The following TEX11 variants were observed in gnomAD, a reference collection of about 807,000 sequenced individuals.
TEX11 encodes the protein testis-expressed protein 11.
In TEX11, 7 loss-of-function variants were observed where a neutral mutation model predicts 84.4. That is an observed-to-expected ratio of 0.08 (90% confidence interval 0.05 to 0.16). The LOEUF is 0.16. Among genes scored for constraint, TEX11 ranks in the 10% least tolerant of loss-of-function variants. The pLI is 1.00. For missense variants in TEX11, 551 were observed against 660.5 expected (o/e 0.83, Z 1.82); for synonymous variants, 264 against 222.8 (o/e 1.18, Z -1.64).
chrX:70,838,222 C>A (rs1405485323), intron 7 of TEX11, among the ~76,000 whole-genome samples: 11 of 111,464 alleles, frequency 9.9e-5, no homozygotes, highest in Middle Eastern at 9.3e-3. Context: ...AGTTCAAGAC[C>A]AGCCTGGTCA....
chrX:70,524,277 T>C (rs1376920132), downstream of TEX11, among the ~76,000 whole-genome samples: 1 of 112,500 alleles, frequency 8.9e-6, no homozygotes, highest in Non-Finnish European at 1.9e-5. Context: ...TACCATGAAG[T>C]GTCCAGTCCA....
rs150266446 is a variant in TEX11 at position 70,715,665 on chromosome X, C to T, written c.1004+6953G>A. Among the ~76,000 whole-genome samples, 1,095 of 111,906 alleles carry T rather than the reference C, an allele frequency of 9.8e-3. 16 individuals carry two copies. Among genetic ancestry groups the T allele is most frequent in the Middle Eastern group, 0.069 (15 of 217 alleles). ...ATCAGGTCCTTTAAGGACTTCTCTGCATTGGTTATTCTAGTTAGCCATTTG... is the reference window on the plus strand; with the variant it reads ...ATCAGGTCCTTTAAGGACTTCTCTGTATTGGTTATTCTAGTTAGCCATTTG... On this transcript the variant is annotated intron_variant, in intron 13 of 29. Coordinates refer to ENST00000374333, the MANE Select transcript of TEX11 (RefSeq NM_031276.3).
intron 9 of TEX11, among the ~76,000 whole-genome samples, chrX:70,745,190 G>A (rs2090760915): frequency 9.1e-6 from 1 of 109,705 alleles, no homozygotes; most frequent in African/African-American, 3.3e-5. Flanking sequence ...GAAAATGAGG[G>A]TGAGGGGTTG....
intron 9 of TEX11, among the ~76,000 whole-genome samples, chrX:70,763,337 T>C (rs897444015): frequency 9.0e-6 from 1 of 111,292 alleles, no homozygotes; most frequent in Non-Finnish European, 1.9e-5. Context: ...GTGAAGTGAC[T>C]CAGGAATGGA....
intron 28 of TEX11, among the ~76,000 whole-genome samples, chrX:70,551,523 G>A (rs1402309774): frequency 3.6e-5 from 4 of 110,695 alleles, no homozygotes; most frequent in Admixed American, 9.6e-5. Context: ...CATGTACACC[G>A]CTATGTACCC....
chrX:70,592,369 C>T lies in TEX11; in HGVS notation c.2068-546G>A, dbSNP rs768383715. Among the ~76,000 whole-genome samples, 3 of 111,605 alleles carry T rather than the reference C, an allele frequency of 2.7e-5. 1 individual carries two copies. The South Asian group carries it at 1.1e-3, about 42-fold the overall frequency. ...GGCCAAGAAGATAGGACTCTCTCTA[C>T]CTCCAGTTTCTGGGCTAGGGATTCT... On this transcript the variant is annotated intron_variant, in intron 24 of 29. Coordinates refer to ENST00000374333, the MANE Select transcript of TEX11 (RefSeq NM_031276.3).
intron 8 of TEX11, among the ~76,000 whole-genome samples, chrX:70,828,290 G>A (rs374830583): frequency 4.5e-5 from 5 of 110,590 alleles, no homozygotes; most frequent in East Asian, 2.8e-4. Context: ...GTGACTTTTC[G>A]GACAGAAAAT....
At chrX:70,705,051 G>T (rs2090359230) in intron 13 of TEX11, among the ~76,000 whole-genome samples, 1 of 111,553 alleles carries the variant, frequency 9.0e-6, no homozygotes, top group South Asian at 3.8e-4. Context: ...ATTAAATAGG[G>T]AATCCTTTCT....
intron 13 of TEX11, among the ~76,000 whole-genome samples, chrX:70,702,484 TA>T (rs1425876661): frequency 9.0e-6 from 1 of 111,699 alleles, no homozygotes; most frequent in Non-Finnish European, 1.9e-5. Flanking sequence ...CACTGAGAAA[TA>T]AAAAAAATTG....
chrX:70,878,826 A>G (rs2091668894), intron 3 of TEX11, among the ~76,000 whole-genome samples: 1 of 110,929 alleles, frequency 9.0e-6, no homozygotes, highest in Admixed American at 9.6e-5. Flanking sequence ...GTACATGAGT[A>G]TTTATAGCAG....
At chrX:70,787,751 A>G (rs757871638) in intron 9 of TEX11, among the ~76,000 whole-genome samples, 61 of 111,954 alleles carry the variant, frequency 5.4e-4, no homozygotes, top group Non-Finnish European at 4.7e-4. Context: ...AGATGCTGAC[A>G]ACATGATTTT....
At chrX:70,668,206 TCAA>T (rs1362567663) in intron 16 of TEX11, among the ~76,000 whole-genome samples, 1 of 111,950 alleles carries the variant, frequency 8.9e-6, no homozygotes, top group Admixed American at 9.4e-5. Context: ...TGATAAAAAC[TCAA>T]CAAGAGTCAG....
chrX:70,521,143 C>T, the TEX11 span, among the ~76,000 whole-genome samples: 6 of 111,380 alleles, frequency 5.4e-5, no homozygotes, highest in African/African-American at 2.0e-4. Context: ...CGGTGGGCTG[C>T]ACCCACTGTC....
intron 20 of TEX11, among the ~76,000 whole-genome samples, chrX:70,622,935 G>T (rs1201812117): frequency 8.9e-6 from 1 of 111,883 alleles, no homozygotes; most frequent in African/African-American, 3.2e-5. Flanking sequence ...ATGTCTAAAA[G>T]TTAATAATTT....
intron 25 of TEX11, among the ~76,000 whole-genome samples, chrX:70,555,724 T>G (rs906728989): frequency 2.7e-5 from 3 of 112,214 alleles, no homozygotes; most frequent in Non-Finnish European, 5.6e-5. Flanking sequence ...CAGGATGAGT[T>G]TGTATAGAGT....
chrX:70,695,313 C>T (rs1245869052), intron 13 of TEX11, among the ~76,000 whole-genome samples: 2 of 112,033 alleles, frequency 1.8e-5, no homozygotes, highest in Non-Finnish European at 3.8e-5. Context: ...ATAAACTATA[C>T]AGATATATGC....
intron 25 of TEX11, among the ~76,000 whole-genome samples, chrX:70,557,478 A>G (rs2086530174): frequency 9.0e-6 from 1 of 110,555 alleles, no homozygotes. Context: ...TCAAAAAAAA[A>G]AAAAGAAAAA....
At chrX:70,757,934 A>C (rs1359035024) in intron 9 of TEX11, among the ~76,000 whole-genome samples, 2 of 111,709 alleles carry the variant, frequency 1.8e-5, no homozygotes, top group Non-Finnish European at 3.8e-5. Context: ...AAGATTTACC[A>C]AGCAAATGGA....
chrX:70,570,946 C>A (rs1255226932), intron 25 of TEX11, among the ~76,000 whole-genome samples: 1 of 112,006 alleles, frequency 8.9e-6, no homozygotes, highest in Non-Finnish European at 1.9e-5. Flanking sequence ...ATCCATCTTG[C>A]AAGACTTTTA....
Sources: allele counts gnomAD v4.1 joint callset (sites outside exome capture counted in the v4.1 genomes callset), GRCh38; gene constraint gnomAD v4.1.1; transcripts MANE v1.5; gene names NCBI Gene and HGNC (gene_info 2026-07-23, HGNC 2026-07-21).